LOXL2: variants seen among roughly 807,000 people sequenced by gnomAD.
LOXL2 encodes lysyl oxidase homolog 2.
LOXL2 carries 70 observed loss-of-function variants against 93.0 expected under a neutral mutation model. The observed-to-expected ratio is 0.75, with a 90% confidence interval of 0.62 to 0.92. LOXL2 has a LOEUF of 0.92. Among genes scored for constraint, LOXL2 ranks in the 40% least tolerant of loss-of-function variants. The pLI is 0.00. For synonymous variants in LOXL2, 438 were observed against 413.2 expected, an observed-to-expected ratio of 1.06 and a Z score of -0.73; for missense variants, 973 against 1,054.9, an observed-to-expected ratio of 0.92 and a Z score of 1.08.
chr8:23,396,746 T>C (rs1800094881), intron 1 of LOXL2, among the ~76,000 whole-genome samples: 1 of 152,240 alleles, frequency 6.6e-6, no homozygotes. Context: ...TCCCAAGATC[T>C]TGAGGTGTAA....
chr8:23,298,195 G>T, intron 13 of LOXL2, 73 bp from the exon 14 acceptor site: 1 of 1,204,292 alleles, frequency 8.3e-7, no homozygotes, highest in Non-Finnish European at 1.2e-6. Flanking sequence ...TGAGCCAGGG[G>T]AGTGGGCCTC....
chr8:23,316,839 C>T (rs1315305566), intron 9 of LOXL2, 110 bp downstream of exon 9: 4 of 1,108,924 alleles, frequency 3.6e-6, no homozygotes, highest in South Asian at 1.8e-5. Flanking sequence ...TTCATTCTAC[C>T]TTCCTCTATT....
chr8:23,340,038 G>A (rs1021224814), intron 4 of LOXL2, among the ~76,000 whole-genome samples: 1 of 152,200 alleles, frequency 6.6e-6, no homozygotes, highest in Admixed American at 6.5e-5. Flanking sequence ...CCTCTGATTT[G>A]GAAGGAAAGA....
chr8:23,394,750 G>C (rs950028174), intron 1 of LOXL2, among the ~76,000 whole-genome samples: 4 of 143,046 alleles, frequency 2.8e-5, no homozygotes, highest in Admixed American at 1.4e-4. Flanking sequence ...CCCCTCCTAA[G>C]TATATACCCC....
intron 1 of LOXL2, among the ~76,000 whole-genome samples, chr8:23,385,449 G>T (rs1383495370): frequency 2.0e-5 from 3 of 148,986 alleles, no homozygotes; most frequent in Admixed American, 6.7e-5. Context: ...CAGTAGAGAA[G>T]GGGTTTCACC....
At chr8:23,388,651 A>G (rs1804799616) in intron 1 of LOXL2, among the ~76,000 whole-genome samples, 1 of 117,532 alleles carries the variant, frequency 8.5e-6, no homozygotes, top group Non-Finnish European at 2.1e-5. Context: ...ACACACACAC[A>G]CACACACACA....
chr8:23,363,303 C>G (rs1000496207), intron 2 of LOXL2: 1 of 152,210 alleles, frequency 6.6e-6, no homozygotes, highest in African/African-American at 2.4e-5. Context: ...TCTGTTCTCA[C>G]GGCTGCTGGT....
intron 1 of LOXL2, among the ~76,000 whole-genome samples, chr8:23,385,244 CTTTTT>C (rs67050683): frequency 2.3e-5 from 3 of 132,778 alleles, no homozygotes; most frequent in Non-Finnish European, 3.2e-5. Flanking sequence ...GATTTTTTTT[CTTTTT>C]TTTTTTTTTT....
At chr8:23,354,949 A>T (rs1358657565) in intron 3 of LOXL2, among the ~76,000 whole-genome samples, 78 of 77,670 alleles carry the variant, frequency 1.0e-3, no homozygotes, top group Non-Finnish European at 1.5e-3. Flanking sequence ...ATATATATAT[A>T]TTTTTTTTTT....
At position 23,367,942 on chromosome 8, in the gene LOXL2, C is replaced by A. The variant is rs564180711; in HGVS notation, c.355+55G>T. The A allele has an allele frequency of 8.2e-6, 12 of 1,469,468 alleles. No individual in the cohort carries two copies. The Admixed American group carries it at 2.2e-4, about 26-fold the overall frequency. The allele number at this position is 1,469,468 out of a possible 1,614,324, so 91.0% of individuals were successfully genotyped here. A position where few individuals can be genotyped will look rare whatever the true frequency, so the allele number is the denominator to read the frequency against. On this transcript the variant is annotated intron_variant, in intron 2 of 13. Transcript: ENST00000389131. Reference sequence around the variant, plus strand: ...TCTCCCAGGCTGACCTCAGGGAAGGCCACTCCGGGCCTTGCCAGGTGACAG... The same window carrying A: ...TCTCCCAGGCTGACCTCAGGGAAGGACACTCCGGGCCTTGCCAGGTGACAG...
At chr8:23,331,969 G>C (rs1214354373) in intron 5 of LOXL2, 2 of 144,560 alleles carry the variant, frequency 1.4e-5, no homozygotes, top group Admixed American at 7.2e-5. Flanking sequence ...CCAGGAGCCG[G>C]AGGTTGCAGT....
intron 10 of LOXL2, among the ~76,000 whole-genome samples, chr8:23,304,115 C>T (rs191568792): frequency 4.3e-4 from 66 of 152,268 alleles, no homozygotes; most frequent in Non-Finnish European, 9.3e-4. Context: ...ACTGACTCAT[C>T]CTCAGGGGCA....
At chr8:23,374,870 A>G (rs1261161335) in intron 1 of LOXL2, among the ~76,000 whole-genome samples, 1 of 152,178 alleles carries the variant, frequency 6.6e-6, no homozygotes, top group African/African-American at 2.4e-5. Context: ...AGTAGATTGC[A>G]AAAATTTTCT....
chr8:23,363,899 G>GT (rs1181321860), intron 2 of LOXL2: 5 of 152,280 alleles, frequency 3.3e-5, no homozygotes, highest in African/African-American at 1.2e-4. Flanking sequence ...TTTTGAGACA[G>GT]TGTCTCACTC....
intron 4 of LOXL2, chr8:23,336,521 GC>G (rs1299259392): frequency 6.6e-6 from 1 of 152,392 alleles, no homozygotes; most frequent in Non-Finnish European, 1.5e-5. Context: ...CGGGAAGCCT[GC>G]CTGTGAAAGA....
At chr8:23,337,831 A>C (rs1190778814) in intron 4 of LOXL2, among the ~76,000 whole-genome samples, 2 of 152,210 alleles carry the variant, frequency 1.3e-5, no homozygotes, top group Non-Finnish European at 1.5e-5. Context: ...TGCCACGGCC[A>C]CACCAATCAG....
At chr8:23,396,557 A>G (rs1018882356) in intron 1 of LOXL2, among the ~76,000 whole-genome samples, 52 of 152,222 alleles carry the variant, frequency 3.4e-4, no homozygotes, top group African/African-American at 1.2e-3. Context: ...TAACACAGCT[A>G]CAATTGCAAA....
intron 7 of LOXL2, among the ~76,000 whole-genome samples, chr8:23,321,298 G>T (rs1206984478): frequency 7.0e-6 from 1 of 142,834 alleles, no homozygotes; most frequent in Non-Finnish European, 1.5e-5. Context: ...ACCAGGCCCG[G>T]GATGGCCTCT....
In LOXL2 at chr8:23,309,567, C is replaced by T; in HGVS notation, c.1880+101G>A. 4.7e-6 allele frequency: 6 copies of T among 1,274,366 alleles called. No homozygotes were observed. The South Asian group carries it at 1.1e-4, about 24-fold the overall frequency. 78.9% of individuals were successfully genotyped at this position (1,274,366 alleles called of 1,614,324 possible). ...AGGATCCTATCCCCAGGCCATGCAG[C>T]CTCTTGGCTCTAAGTGACCCTGGCA... On this transcript the variant is annotated intron_variant, in intron 10 of 13. Coordinates refer to ENST00000389131, the MANE Select transcript of LOXL2 (RefSeq NM_002318.3).
Sources: gnomAD v4.1 joint callset for allele counts (sites outside exome capture counted in the v4.1 genomes callset) on GRCh38, gnomAD v4.1.1 for gene constraint, MANE v1.5 for transcripts, NCBI Gene and HGNC (gene_info 2026-07-23, HGNC 2026-07-21) for gene names.